Variants in FHIP2A observed in about 807,000 individuals in gnomAD.
FHIP2A encodes FHF complex subunit HOOK interacting protein 2A.
Under a neutral mutation model 93.5 loss-of-function variants are expected in FHIP2A, and 46 were observed. The ratio of observed to expected loss-of-function variants is 0.49; its 90% confidence interval spans 0.39 to 0.63. FHIP2A has a LOEUF of 0.63. Among genes scored for constraint, FHIP2A ranks in the 20% least tolerant of loss-of-function variants. The pLI is 0.00. For missense variants in FHIP2A, 769 were observed against 909.7 expected (o/e 0.85, Z 1.99); for synonymous variants, 332 against 326.5 (o/e 1.02, Z -0.18).
chr10:114,896,744 C>A (rs7899872), intron 16 of FHIP2A, among the ~76,000 whole-genome samples: 2,474 of 152,232 alleles, frequency 0.016, 79 homozygotes, highest in African/African-American at 0.057. Context: ...TGTATAAAAC[C>A]AAGCTGTGCC....
At chr10:114,891,623 AT>A (rs1192883038) in intron 16 of FHIP2A, among the ~76,000 whole-genome samples, 164 of 71,992 alleles carry the variant, frequency 2.3e-3, no homozygotes, top group African/African-American at 4.9e-3. Flanking sequence ...GTATATACAT[AT>A]TTTTTTTTTT....
At chr10:114,886,272 C>T (rs1210632028) in intron 16 of FHIP2A, among the ~76,000 whole-genome samples, 1 of 152,148 alleles carries the variant, frequency 6.6e-6, no homozygotes, top group Non-Finnish European at 1.5e-5. Flanking sequence ...TCGCCAAAGG[C>T]CACCCAATTA....
Position 114,843,783 on chromosome 10 carries a change from T to G in FHIP2A, c.859T>G (p.Leu287Val), listed in dbSNP as rs1311974739. The change falls in exon 7 of 17, where the codon TTA (leucine) becomes GTA (valine). Residue 287 changes from leucine (L) to valine (V), a missense_variant. Coordinates refer to ENST00000369248, the MANE Select transcript of FHIP2A (RefSeq NM_020940.4). ...AVKACEGLMLLVSLPEPAAAK... is the reference protein window; with the variant it reads ...AVKACEGLMLVVSLPEPAAAK... ...GAAGGCATGTGAAGGCTTGATGCTG[T>G]TAGTAAGTTTGCCAGAGCCTGCGGC... The G allele has an allele frequency of 6.3e-7, 1 of 1,583,136 alleles. No individual in the cohort carries two copies. Among genetic ancestry groups the G allele is most frequent in the Non-Finnish European group, 8.5e-7 (1 of 1,171,174 alleles).
intron 16 of FHIP2A, among the ~76,000 whole-genome samples, chr10:114,875,869 G>GAGAA (rs1420301669): frequency 8.9e-6 from 1 of 112,454 alleles, no homozygotes; most frequent in South Asian, 2.7e-4. Context: ...AAGAAAGAAA[G>GAGAA]AGAAAGAAAG....
At chr10:114,879,720 T>G (rs142424853) in intron 16 of FHIP2A, among the ~76,000 whole-genome samples, 71 of 152,258 alleles carry the variant, frequency 4.7e-4, no homozygotes, top group African/African-American at 1.6e-3. Context: ...TCAGACAGGG[T>G]CTCGCTCTGT....
In FHIP2A at chr10:114,821,864, G is replaced by A. The variant is rs2083525420; in HGVS notation, c.-215G>A. On this transcript the variant is annotated 5_prime_UTR_variant, in exon 1 of 17. Coordinates refer to ENST00000369248, the MANE Select transcript of FHIP2A (RefSeq NM_020940.4). ...GTCCTCGCCGAACGCCCTCCTCGCCGCCCGCCGCGTCCCGGCGCCCTCCGG... is the reference window on the plus strand; with the variant it reads ...GTCCTCGCCGAACGCCCTCCTCGCCACCCGCCGCGTCCCGGCGCCCTCCGG... 4 of 273,062 alleles carry A rather than the reference G, an allele frequency of 1.5e-5. No individual in the cohort carries two copies. The highest frequency in any genetic ancestry group is 2.7e-5 in the Non-Finnish European group (4 of 145,872). The allele number at this position is 273,062 out of a possible 1,614,324, so 16.9% of individuals were successfully genotyped here.
chr10:114,843,503 C>T (rs926405315), intron 6 of FHIP2A, among the ~76,000 whole-genome samples: 24 of 152,028 alleles, frequency 1.6e-4, no homozygotes, highest in African/African-American at 5.8e-4. Context: ...GGGGTTTCAC[C>T]ATGTTGACCA....
rs2083808632 is a variant in FHIP2A, at chr10:114,862,866, T to A, written c.*1326T>A. 1.0e-6 allele frequency: 1 copy of A among 985,374 alleles called. No homozygotes were observed. The allele number at this position is 985,374 out of a possible 1,614,324, so 61.0% of individuals were successfully genotyped here. On this transcript the variant is annotated 3_prime_UTR_variant, in exon 17 of 17. Transcript: ENST00000369248. Reference sequence around the variant, plus strand: ...GAACAGGCTATCAAAGGTTCCGGCTTGAAGGGAACTGTCACTACCCCCTCT... The same window carrying A: ...GAACAGGCTATCAAAGGTTCCGGCTAGAAGGGAACTGTCACTACCCCCTCT...
At chr10:114,848,971 C>T (rs1437549334) in intron 13 of FHIP2A, among the ~76,000 whole-genome samples, 1 of 151,590 alleles carries the variant, frequency 6.6e-6, no homozygotes, top group South Asian at 2.1e-4. Context: ...GGTGAAACCC[C>T]GTCTCTACTA....
intron 16 of FHIP2A, among the ~76,000 whole-genome samples, chr10:114,888,669 C>T (rs1281727435): frequency 6.6e-6 from 1 of 152,090 alleles, no homozygotes. Context: ...ATGGTGCGAT[C>T]TTAGCTCACT....
rs1237334643 is a variant in FHIP2A, at chr10:114,864,462, C to T, written c.*2922C>T. 1.0e-6 allele frequency: 1 copy of T among 985,690 alleles called. No homozygotes were observed. Among genetic ancestry groups the T allele is most frequent in the East Asian group, 1.1e-4 (1 of 8,826 alleles). The allele number at this position is 985,690 out of a possible 1,614,324, so 61.1% of individuals were successfully genotyped here. ...TGTAAAATAGTGTTACTGTAATACT[C>T]TGTTTTGCCTCCTGCCTTGTTTACA... is the stretch of plus-strand genomic sequence containing the variant. On this transcript the variant is annotated 3_prime_UTR_variant, in exon 17 of 17. Coordinates refer to ENST00000369248, the MANE Select transcript of FHIP2A (RefSeq NM_020940.4).
intron 5 of FHIP2A, among the ~76,000 whole-genome samples, chr10:114,836,782 A>G (rs2083638992): frequency 6.6e-6 from 1 of 152,242 alleles, no homozygotes; most frequent in South Asian, 2.1e-4. Context: ...TTAAAGTAAA[A>G]AATATATTTT....
At chr10:114,846,933 A>G (rs2083705124) in intron 11 of FHIP2A, among the ~76,000 whole-genome samples, 157 bp from the exon 12 acceptor site, 1 of 152,246 alleles carries the variant, frequency 6.6e-6, no homozygotes, top group Non-Finnish European at 1.5e-5. Context: ...ACAAAATAGT[A>G]TAGAATGTTA....
chr10:114,860,095 C>T (rs1163051915), intron 14 of FHIP2A, among the ~76,000 whole-genome samples: 1 of 152,102 alleles, frequency 6.6e-6, no homozygotes, highest in Non-Finnish European at 1.5e-5. Flanking sequence ...TCAATGGGTC[C>T]TCTGTAATTA....
At chr10:114,861,004 A>G (rs534141094) in intron 15 of FHIP2A, 115 bp downstream of exon 15, 55 of 1,104,638 alleles carry the variant, frequency 5.0e-5, no homozygotes, top group Admixed American at 2.5e-4. Context: ...ACTGCTTAAA[A>G]GTAATTATTA....
intron 16 of FHIP2A, among the ~76,000 whole-genome samples, chr10:114,877,970 C>T (rs576329813): frequency 6.6e-6 from 1 of 152,294 alleles, no homozygotes; most frequent in South Asian, 2.1e-4. Context: ...AGAAAATCTA[C>T]ATTGGCTCCT....
rs2083759984 is a variant in FHIP2A, at chr10:114,855,232, G to A, written c.1839G>A (p.Glu613=). 2 of 1,614,054 alleles carry A rather than the reference G, an allele frequency of 1.2e-6. No homozygotes were observed. Among genetic ancestry groups the A allele is most frequent in the Non-Finnish European group, 1.7e-6 (2 of 1,179,968 alleles). ...RDYCAICLRW[E]WPGSPKALEK... The stretch of plus-strand genomic sequence containing the variant: ...ACTGTGCTATCTGCTTAAGATGGGA[G>A]TGGCCTGGGTCTCCAAAAGCATTGG... Residue 613 remains glutamate, a synonymous_variant, in exon 14 of 17, where the codon GAG becomes GAA. Transcript: ENST00000369248.
At chr10:114,859,014 A>T (rs758395284) in intron 14 of FHIP2A, among the ~76,000 whole-genome samples, 2 of 152,136 alleles carry the variant, frequency 1.3e-5, no homozygotes, top group Non-Finnish European at 2.9e-5. Flanking sequence ...TGCTATATCA[A>T]TAAAAAATAC....
At chr10:114,833,159 A>AT in intron 2 of FHIP2A, 74 bp from the exon 3 acceptor site, 6 of 1,180,622 alleles carry the variant, frequency 5.1e-6, no homozygotes, top group Non-Finnish European at 7.2e-6. Flanking sequence ...GAAAAGGGAA[A>AT]TACAGAGTAT....
Sources: allele counts gnomAD v4.1 joint callset (sites outside exome capture counted in the v4.1 genomes callset), GRCh38; gene constraint gnomAD v4.1.1; transcripts MANE v1.5; gene names NCBI Gene and HGNC (gene_info 2026-07-23, HGNC 2026-07-21).